The following RBPJ variants were observed in gnomAD, a reference collection of about 807,000 sequenced individuals.
The protein encoded by RBPJ is recombining binding protein suppressor of hairless.
RBPJ carries 9 observed loss-of-function variants against 67.8 expected under a neutral mutation model. The ratio of observed to expected loss-of-function variants is 0.13; its 90% CI spans 0.08 to 0.23. The LOEUF (loss-of-function observed/expected upper bound fraction) is 0.23. RBPJ is among the 10% of genes least tolerant of loss of function. The probability of loss-of-function intolerance (pLI) is 1.00; values close to 1 mark genes in which losing one functional copy is unlikely to be tolerated. For missense variants in RBPJ, 305 were observed against 595.6 expected (o/e 0.51, Z 5.08); for synonymous variants, 198 against 203.3 (o/e 0.97, Z 0.22).
intron 1 of RBPJ, chr4:26,322,018 T>C (rs1334130149): frequency 6.6e-6 from 1 of 151,808 alleles, no homozygotes; most frequent in Admixed American, 6.6e-5. Flanking sequence ...TTCATCGCCG[T>C]CTTTTTAGTG....
chr4:26,399,248 G>A (rs899560736), intron 2 of RBPJ, among the ~76,000 whole-genome samples: 7 of 152,100 alleles, frequency 4.6e-5, no homozygotes, highest in Non-Finnish European at 7.4e-5. Context: ...TAATTAAGCC[G>A]TTCCATTTAT....
At chr4:26,193,291 A>G (rs1009437776) in intron 1 of RBPJ, among the ~76,000 whole-genome samples, 2 of 152,240 alleles carry the variant, frequency 1.3e-5, no homozygotes, top group Admixed American at 1.3e-4. Flanking sequence ...GTTTCATACA[A>G]GCTGATCACA....
chr4:26,365,237 G>T (rs1288036635), intron 1 of RBPJ, among the ~76,000 whole-genome samples: 1 of 151,900 alleles, frequency 6.6e-6, no homozygotes, highest in African/African-American at 2.4e-5. Context: ...TTCTTACCCT[G>T]ACTGAGTCTT....
chr4:26,148,548 A>G, the RBPJ span, among the ~76,000 whole-genome samples: 1 of 152,244 alleles, frequency 6.6e-6, no homozygotes, highest in Non-Finnish European at 1.5e-5. Flanking sequence ...AACATGGCAG[A>G]CAACTCTTAT....
chr4:26,311,550 A>G (rs1577414019), intron 1 of RBPJ, among the ~76,000 whole-genome samples: 1 of 152,064 alleles, frequency 6.6e-6, no homozygotes, highest in Non-Finnish European at 1.5e-5. Context: ...AAAAAAAAAA[A>G]AAGTGTCACT....
At chr4:26,141,834 C>T in the RBPJ span, among the ~76,000 whole-genome samples, 1 of 152,212 alleles carries the variant, frequency 6.6e-6, no homozygotes, top group Non-Finnish European at 1.5e-5. Flanking sequence ...CCAGTTCCTG[C>T]CATTCTACTC....
rs949024015 is a variant in RBPJ, at chr4:26,264,671, A to G, written c.-166-97775A>G. Among the ~76,000 whole-genome samples the G allele has an allele frequency of 2.0e-5, 3 of 152,168 alleles. No homozygotes were observed. The highest frequency in any genetic ancestry group is 4.4e-5 in the Non-Finnish European group (3 of 68,030). On this transcript the variant is annotated intron_variant, in intron 1 of 4. Coordinates refer to the RBPJ transcript ENST00000512351. This position sits in a 1 kb window ranked among gnomAD's most constrained non-coding sequence, Gnocchi z 4.1. ...ACACTGAAACACTGGCACTCGTCCCAAAAGCACCATGCCCTTGACCTGGCT... is the reference window on the plus strand; with the variant it reads ...ACACTGAAACACTGGCACTCGTCCCGAAAGCACCATGCCCTTGACCTGGCT...
chr4:26,256,868 G>T (rs1480946538), intron 1 of RBPJ, among the ~76,000 whole-genome samples: 4 of 152,196 alleles, frequency 2.6e-5, no homozygotes, highest in Non-Finnish European at 5.9e-5. Context: ...ACCAGGCGAA[G>T]GTCACATTAG....
At chr4:26,125,782 G>C in the RBPJ span, among the ~76,000 whole-genome samples, 4 of 148,430 alleles carry the variant, frequency 2.7e-5, no homozygotes, top group Admixed American at 6.7e-5. Context: ...CTGGGCAATA[G>C]AGCAAGACTC....
At chr4:26,225,654 C>G (rs1719051240) in intron 1 of RBPJ, among the ~76,000 whole-genome samples, 1 of 151,860 alleles carries the variant, frequency 6.6e-6, no homozygotes, top group Admixed American at 6.6e-5. Flanking sequence ...ACAAATGTAA[C>G]ATATCAGTGC....
chr4:26,244,237 CTATATATGTGTACACATA>C (rs1560225967), intron 1 of RBPJ, among the ~76,000 whole-genome samples: 1 of 7,944 alleles, frequency 1.3e-4, no homozygotes, highest in African/African-American at 3.2e-4. Context: ...ATATATGTGT[CTATATATGTGTACACATA>C]CACATATGTG....
At chr4:26,343,260 A>G (rs867270336) in intron 1 of RBPJ, 1 of 152,200 alleles carries the variant, frequency 6.6e-6, no homozygotes, top group African/African-American at 2.4e-5. Flanking sequence ...GGAATTTGGA[A>G]TATTTTTGCT....
chr4:26,387,832 A>G (rs1286201597), intron 2 of RBPJ, among the ~76,000 whole-genome samples: 2 of 152,182 alleles, frequency 1.3e-5, no homozygotes, highest in Non-Finnish European at 2.9e-5. Context: ...GAGTGGAAAA[A>G]TCTCATAATT....
rs1378448404 is a variant in RBPJ at position 26,333,689 on chromosome 4, T to G, written c.20+12641T>G. 2.6e-5 allele frequency among the ~76,000 whole-genome samples: 4 copies of G among 152,126 alleles called. No individual in the cohort carries two copies. In the South Asian group the frequency reaches 6.2e-4, roughly 24 times the overall value. On this transcript the variant is annotated intron_variant, in intron 1 of 10. Coordinates refer to ENST00000355476, the MANE Select transcript of RBPJ (RefSeq NM_015874.6). Reference sequence around the variant, plus strand: ...ACAGGCATGCATCATTGTGCCTGGCTTAATTTTATTTATTTCTTGGGATAG... The same window carrying G: ...ACAGGCATGCATCATTGTGCCTGGCGTAATTTTATTTATTTCTTGGGATAG...
intron 1 of RBPJ, among the ~76,000 whole-genome samples, chr4:26,267,758 C>T (rs1382147340): frequency 6.6e-6 from 1 of 152,066 alleles, no homozygotes; most frequent in Non-Finnish European, 1.5e-5. Flanking sequence ...CAGGCACGCA[C>T]CACCACACCT....
intron 1 of RBPJ, among the ~76,000 whole-genome samples, chr4:26,270,399 AAG>A (rs1337083855): frequency 3.2e-5 from 2 of 62,268 alleles, no homozygotes; most frequent in East Asian, 4.3e-4. Flanking sequence ...GAAAGAAAGA[AAG>A]AAAGAAAGAA....
chr4:26,246,973 C>CTTTTTT (rs56160527), intron 1 of RBPJ, among the ~76,000 whole-genome samples: 34 of 121,934 alleles, frequency 2.8e-4, no homozygotes, highest in African/African-American at 1.0e-3. Context: ...ACATAATACG[C>CTTTTTT]TTTTTTTTTT....
intron 1 of RBPJ, among the ~76,000 whole-genome samples, chr4:26,228,855 A>G (rs1050290694): frequency 6.6e-6 from 1 of 152,232 alleles, no homozygotes; most frequent in African/African-American, 2.4e-5. Flanking sequence ...AGCTTGGTAC[A>G]GAAACTCTCT....
chr4:26,386,661 C>T (rs1730949594), intron 2 of RBPJ, among the ~76,000 whole-genome samples: 1 of 152,122 alleles, frequency 6.6e-6, no homozygotes, highest in Non-Finnish European at 1.5e-5. Flanking sequence ...GACGGCAGTG[C>T]AGGTAGCTTT....
Sources: gnomAD v4.1 joint callset for allele counts (sites outside exome capture counted in the v4.1 genomes callset) on GRCh38, gnomAD v4.1.1 for gene constraint, Gnocchi (gnomAD v3.1) non-coding constraint, MANE v1.5 for transcripts, NCBI Gene and HGNC (gene_info 2026-07-23, HGNC 2026-07-21) for gene names.